The following HACL2 variants were observed in gnomAD, a reference collection of about 807,000 sequenced individuals.
HACL2 encodes the protein 2-hydroxyacyl-CoA lyase 2.
the HACL2 span, chr19:15,124,890 T>C: frequency 6.3e-7 from 1 of 1,576,492 alleles, no homozygotes; most frequent in Non-Finnish European, 8.6e-7. Context: ...CCTCTTTGAC[T>C]GCCCCCAGCC....
the HACL2 span, chr19:15,125,032 C>T: frequency 3.4e-5 from 53 of 1,563,704 alleles, no homozygotes; most frequent in Non-Finnish European, 4.4e-5. Flanking sequence ...AAGCTCCCAG[C>T]GGGGGCGGCG....
the HACL2 span, chr19:15,123,867 C>T: frequency 2.1e-6 from 1 of 475,224 alleles, no homozygotes; most frequent in Non-Finnish European, 3.8e-6. The surrounding 1 kb of genome is among the most constrained non-coding windows in gnomAD (Gnocchi z 5.1). Context: ...CCCACTGTTA[C>T]ACTGCCTGTC....
At chr19:15,118,343 A>T in the HACL2 span, among the ~76,000 whole-genome samples, 1 of 152,140 alleles carries the variant, frequency 6.6e-6, no homozygotes, top group African/African-American at 2.4e-5. Flanking sequence ...CTTGAAAGTG[A>T]CACACCATGA....
At chr19:15,118,171 C>T in the HACL2 span, among the ~76,000 whole-genome samples, 31,712 of 152,068 alleles carry the variant, frequency 0.21, 3,475 homozygotes, top group South Asian at 0.33. Flanking sequence ...CCCACACCCC[C>T]TGAATCGGGA....
the HACL2 span, chr19:15,115,739 A>G: frequency 1.3e-6 from 2 of 1,573,124 alleles, no homozygotes; most frequent in Admixed American, 3.3e-5. Context: ...GAGGACAGAG[A>G]CAGGGATAGG....
the HACL2 span, chr19:15,119,133 G>T: frequency 6.6e-7 from 1 of 1,521,310 alleles, no homozygotes; most frequent in Non-Finnish European, 8.8e-7. Flanking sequence ...GGGTTCCTGG[G>T]GGAAGGAGGG....
chr19:15,117,860 C>G, the HACL2 span: 2 of 1,613,392 alleles, frequency 1.2e-6, no homozygotes, highest in Non-Finnish European at 8.5e-7. Context: ...CATATGTGTA[C>G]GGGGGGATTA....
the HACL2 span, chr19:15,123,018 G>A: frequency 2.5e-6 from 4 of 1,604,322 alleles, no homozygotes; most frequent in Admixed American, 6.7e-5. The surrounding 1 kb of genome is among the most constrained non-coding windows in gnomAD (Gnocchi z 5.1). Flanking sequence ...ACAGCCTGGA[G>A]CGCACCCCGG....
chr19:15,123,493 C>G, the HACL2 span: 3 of 1,614,184 alleles, frequency 1.9e-6, no homozygotes, highest in South Asian at 3.3e-5. The surrounding 1 kb of genome is among the most constrained non-coding windows in gnomAD (Gnocchi z 5.1). Flanking sequence ...GCCCACCGAC[C>G]AGCGTGAAGA....
the HACL2 span, among the ~76,000 whole-genome samples, chr19:15,120,257 C>A: frequency 1.3e-5 from 2 of 152,164 alleles, no homozygotes; most frequent in Non-Finnish European, 2.9e-5. Context: ...CTTCAACTGC[C>A]TGTTTGCCCT....
the HACL2 span, chr19:15,119,393 C>G: frequency 1.2e-6 from 2 of 1,613,334 alleles, no homozygotes; most frequent in East Asian, 2.2e-5. Context: ...AACGTGAAAA[C>G]AAGGGCAGGG....
the HACL2 span, chr19:15,123,097 G>T: frequency 6.2e-7 from 1 of 1,612,776 alleles, no homozygotes; most frequent in Non-Finnish European, 8.5e-7. The surrounding 1 kb of genome is among the most constrained non-coding windows in gnomAD (Gnocchi z 5.1). Context: ...GCCCCCACTG[G>T]CCCCCAAGGA....
the HACL2 span, chr19:15,119,178 T>C: frequency 2.5e-6 from 4 of 1,570,806 alleles, no homozygotes; most frequent in Non-Finnish European, 3.5e-6. Flanking sequence ...GCTAGGACAA[T>C]GACATCCGCC....
At chr19:15,119,093 C>T in the HACL2 span, 1 of 1,484,126 alleles carries the variant, frequency 6.7e-7, no homozygotes, top group East Asian at 2.3e-5. Context: ...CTTCCTCCTC[C>T]TTCGTGTGAA....
chr19:15,123,079 C>A, the HACL2 span: 24 of 1,611,308 alleles, frequency 1.5e-5, no homozygotes, highest in Middle Eastern at 4.9e-4. The surrounding 1 kb of genome is among the most constrained non-coding windows in gnomAD (Gnocchi z 5.1). Flanking sequence ...CCCTTCAAGC[C>A]CCCCTAGGCC....
chr19:15,122,747 T>A, the HACL2 span: 1 of 1,614,132 alleles, frequency 6.2e-7, no homozygotes, highest in Non-Finnish European at 8.5e-7. The surrounding 1 kb of genome is among the most constrained non-coding windows in gnomAD (Gnocchi z 4.0). Flanking sequence ...CACCATCTCC[T>A]TCTGGACCAT....
the HACL2 span, chr19:15,119,463 A>T: frequency 6.2e-7 from 1 of 1,614,150 alleles, no homozygotes; most frequent in Non-Finnish European, 8.5e-7. Context: ...CTGACTCCCC[A>T]GCACCATCAG....
At chr19:15,116,247 G>A in the HACL2 span, 4 of 1,613,990 alleles carry the variant, frequency 2.5e-6, no homozygotes, top group South Asian at 4.4e-5. Context: ...TGAGTTGTCA[G>A]GTAGCGTTTC....
chr19:15,124,851 G>A, the HACL2 span: 5 of 1,531,334 alleles, frequency 3.3e-6, no homozygotes, highest in Middle Eastern at 4.6e-4. Flanking sequence ...CACAATGAGT[G>A]AGCTGGAAGC....
Sources: allele counts gnomAD v4.1 joint callset (sites outside exome capture counted in the v4.1 genomes callset), GRCh38; gene constraint gnomAD v4.1.1; non-coding constraint Gnocchi (gnomAD v3.1); transcripts MANE v1.5; gene names NCBI Gene and HGNC (gene_info 2026-07-23, HGNC 2026-07-21).